Variants in TIE1 observed in about 807,000 individuals in gnomAD.
The protein encoded by TIE1 is tyrosine kinase with immunoglobulin like and EGF like domains 1.
TIE1 carries 89 observed loss-of-function variants against 130.5 expected under a neutral mutation model. That is an observed-to-expected ratio of 0.68 (90% CI 0.57 to 0.81). The LOEUF (loss-of-function observed/expected upper bound fraction) is 0.81. TIE1 is among the 40% of genes least tolerant of loss of function. The probability of loss-of-function intolerance (pLI) is 0.00; values close to 1 mark genes in which losing one functional copy is unlikely to be tolerated. For missense variants in TIE1, 1,392 were observed against 1,559.8 expected (o/e 0.89, Z 1.81); for synonymous variants, 568 against 629.4 (o/e 0.90, Z 1.46).
rs1467383666 is a variant in TIE1, at chr1:43,305,329, T to C, written c.470T>C (p.Ile157Thr). 14 of 1,546,206 alleles carry C rather than the reference T, an allele frequency of 9.1e-6. No individual in the cohort carries two copies. Among genetic ancestry groups the C allele is most frequent in the African/African-American group, 1.6e-5 (1 of 61,692 alleles). The change falls in exon 3 of 23, where the codon ATC becomes ACC. Residue 157 changes from isoleucine to threonine, a missense_variant. Physicochemically the swap from Ile to Thr is moderately conservative, Grantham distance 89 (BLOSUM62 -1). Transcript: ENST00000372476. ...CACAAGGAGAAGCAGACAGACGTGA[T>C]CTGGAAGAGCAACGGTAAAGAGGGG... is the stretch of plus-strand genomic sequence containing the variant. ...RVHKEKQTDVIWKSNGSYFYT... is the reference protein window; with the variant it reads ...RVHKEKQTDVTWKSNGSYFYT...
chr1:43,307,239 C>G lies in TIE1; in HGVS notation c.738C>G (p.Cys246Trp). The part of the protein sequence containing the change: ...VCHDHDGECV[C>W]PPGFTGTRCE... ...ACGACCATGACGGCGAATGTGTATGCCCCCCTGGCTTCACTGGCACCCGCT... is the reference window on the plus strand; with the variant it reads ...ACGACCATGACGGCGAATGTGTATGGCCCCCTGGCTTCACTGGCACCCGCT... Residue 246 changes from cysteine to tryptophan, a missense_variant, in exon 5 of 23, where the codon TGC becomes TGG. Cys to Trp is a radical substitution (Grantham distance 215). Coordinates refer to ENST00000372476, the MANE Select transcript of TIE1 (RefSeq NM_005424.5). The surrounding 1 kb of genome is among the most constrained non-coding windows in gnomAD (Gnocchi z 5.4). 1 of 1,614,056 alleles carries G rather than the reference C, an allele frequency of 6.2e-7. No homozygotes were observed. Among genetic ancestry groups the G allele is most frequent in the Non-Finnish European group, 8.5e-7 (1 of 1,180,000 alleles).
In TIE1 at chr1:43,313,190, G is replaced by C; in HGVS notation, c.1983G>C (p.Gln661His). The part of the protein sequence containing the change: ...HAQALSDSEI[Q>H]LTWKHPEALP... ...AGGCCCTCTCAGACTCCGAGATCCAGCTGACATGGAAGCACCCGGAGGCTC... is the reference window on the plus strand; with the variant it reads ...AGGCCCTCTCAGACTCCGAGATCCACCTGACATGGAAGCACCCGGAGGCTC... Residue 661 changes from glutamine (Q) to histidine (H), a missense_variant, in exon 13 of 23, where the codon CAG becomes CAC. Around this residue, in one of 6 missense-constraint regions of TIE1, gnomAD observed 551 missense variants for 565.5 expected, o/e 0.97. Coordinates refer to ENST00000372476, the MANE Select transcript of TIE1 (RefSeq NM_005424.5). This position sits in a 1 kb window ranked among gnomAD's most constrained non-coding sequence, Gnocchi z 6.2. 3 of 1,613,696 alleles carry C rather than the reference G, an allele frequency of 1.9e-6. No individual in the cohort carries two copies. The highest frequency in any genetic ancestry group is 2.5e-6 in the Non-Finnish European group (3 of 1,179,856).
In TIE1 at chr1:43,306,253, A is replaced by T. The variant is rs763040056; in HGVS notation, c.485-587A>T. ...TCCAGGAGGAGGGACTGAGAAGAGC[A>T]GTAGGGTCTGAAACACAAGGGTGTT... On this transcript the variant is annotated intron_variant, in intron 3 of 22. Transcript: ENST00000372476. The surrounding 1 kb of genome is among the most constrained non-coding windows in gnomAD (Gnocchi z 4.9). 6.6e-6 allele frequency among the ~76,000 whole-genome samples: 1 copy of T among 152,220 alleles called. No individual in the cohort carries two copies. Among genetic ancestry groups the T allele is most frequent in the Non-Finnish European group, 1.5e-5 (1 of 68,022 alleles).
Position 43,313,615 on chromosome 1 carries a change from T to C in TIE1, c.2219-163T>C, listed in dbSNP as rs1291905177. The C allele has an allele frequency of 6.6e-6, 7 of 1,055,856 alleles. No homozygotes were observed. The East Asian group carries it at 1.8e-4, about 27-fold the overall frequency. The allele number at this position is 1,055,856 out of a possible 1,614,324, so 65.4% of individuals were successfully genotyped here. A position where few individuals can be genotyped will look rare whatever the true frequency, so the allele number is the denominator to read the frequency against. On this transcript the variant is annotated intron_variant, in intron 13 of 22. Coordinates refer to ENST00000372476, the MANE Select transcript of TIE1 (RefSeq NM_005424.5). This position sits in a 1 kb window ranked among gnomAD's most constrained non-coding sequence, Gnocchi z 6.2. ...CTGTCCCAGGGCTGGGAAAATCATG[T>C]CGCCCCTCTGACACCCCTCATCCCT...
Position 43,311,828 on chromosome 1 carries a change from G to A in TIE1, c.1491G>A (p.Val497=), listed in dbSNP as rs756232722. 3 of 1,612,632 alleles carry A rather than the reference G, an allele frequency of 1.9e-6. No homozygotes were observed. The highest frequency in any genetic ancestry group is 2.2e-5 in the South Asian group (2 of 90,914). The change falls in exon 10 of 23, where the codon GTG becomes GTA. Residue 497 remains valine (V), a splice_region_variant and synonymous_variant. Transcript: ENST00000372476. ...GTACCATGGACTGGTCGACCATTGT[G>A]GGTGAGTAGGGAGAGAGCTGGGGCA... The part of the protein sequence containing the change: ...QDSTMDWSTI[V]VDPSENVTLM...
At position 43,313,954 on chromosome 1, in the gene TIE1, T is replaced by C; in HGVS notation, c.2395T>C (p.Tyr799His). ...SCLHRRRTFTYQSGSGEETIL... is the reference protein window; with the variant it reads ...SCLHRRRTFTHQSGSGEETIL... ...CCTGCATCGGAGACGCACCTTCACC[T>C]ACCAGTCAGGCTCGGTCAGTGACCC... The change falls in exon 14 of 23, where the codon TAC becomes CAC. Residue 799 changes from tyrosine to histidine, a missense_variant. Around this residue, in one of 6 missense-constraint regions of TIE1, gnomAD observed 286 missense variants for 354.4 expected, o/e 0.81. Transcript: ENST00000372476. The surrounding 1 kb of genome is among the most constrained non-coding windows in gnomAD (Gnocchi z 6.2). 2 of 1,614,140 alleles carry C rather than the reference T, an allele frequency of 1.2e-6. No individual in the cohort carries two copies. The highest frequency in any genetic ancestry group is 1.7e-6 in the Non-Finnish European group (2 of 1,179,994).
chr1:43,309,015 T>G lies in TIE1; in HGVS notation c.1072T>G (p.Ser358Ala), dbSNP rs1414806890. The G allele has an allele frequency of 3.1e-6, 5 of 1,613,876 alleles. No homozygotes were observed. The highest frequency in any genetic ancestry group is 4.2e-6 in the Non-Finnish European group (5 of 1,179,970). The change falls in exon 8 of 23, where the codon TCA becomes GCA. Residue 358 changes from serine (S) to alanine (A), a missense_variant. Transcript: ENST00000372476. This position sits in a 1 kb window ranked among gnomAD's most constrained non-coding sequence, Gnocchi z 6.3. ...DRIPQILNMASELEFNLETMP... is the reference protein window; with the variant it reads ...DRIPQILNMAAELEFNLETMP... ...GATCCCCCAGATCCTCAACATGGCC[T>G]CAGAACTGGAGTTCAACTTAGAGAC... is the stretch of plus-strand genomic sequence containing the variant.
Position 43,316,317 on chromosome 1 carries a change from A to G in TIE1, c.2410-882A>G, listed in dbSNP as rs1646858312. ...TCACGTGCATTTGCTATGTGCCGTC[A>G]GCACCAGTGCTTCTTGCAAATCCCT... On this transcript the variant is annotated intron_variant, in intron 14 of 22. Transcript: ENST00000372476. This position sits in a 1 kb window ranked among gnomAD's most constrained non-coding sequence, Gnocchi z 4.4. Among the ~76,000 whole-genome samples, 1 of 152,232 alleles carries G rather than the reference A, an allele frequency of 6.6e-6. No individual in the cohort carries two copies. Among genetic ancestry groups the G allele is most frequent in the Non-Finnish European group, 1.5e-5 (1 of 68,036 alleles).
Position 43,319,125 on chromosome 1 carries a change from A to G in TIE1, c.2923-110A>G, listed in dbSNP as rs12733261. 2.6e-6 allele frequency: 2 copies of G among 760,198 alleles called. No homozygotes were observed. The highest frequency in any genetic ancestry group is 1.7e-5 in the African/African-American group (1 of 58,046). The allele number at this position is 760,198 out of a possible 1,614,324, so 47.1% of individuals were successfully genotyped here. ...AGATTGCAGCCAGGAGGGTAGGAGT[A>G]TGGGGTATTGAAGGTAACAAGGGTA... On this transcript the variant is annotated intron_variant, in intron 17 of 22. Transcript: ENST00000372476. The surrounding 1 kb of genome is among the most constrained non-coding windows in gnomAD (Gnocchi z 4.7).
rs372332256 is a variant in TIE1 at position 43,317,150 on chromosome 1, C to G, written c.2410-49C>G. ...TGCCTGTCTGTGCCTCCTTCCGCCC[C>G]CTTTGACTCTTGCGTGGACCGTCTG... On this transcript the variant is annotated intron_variant, in intron 14 of 22. Coordinates refer to ENST00000372476, the MANE Select transcript of TIE1 (RefSeq NM_005424.5). The surrounding 1 kb of genome is among the most constrained non-coding windows in gnomAD (Gnocchi z 5.1). 6.3e-7 allele frequency: 1 copy of G among 1,596,608 alleles called. No homozygotes were observed. The highest frequency in any genetic ancestry group is 2.2e-5 in the East Asian group (1 of 44,764).
chr1:43,305,472 G>A (rs1293089840), intron 3 of TIE1, 129 bp downstream of exon 3: 4 of 804,664 alleles, frequency 5.0e-6, no homozygotes. Context: ...CTCCTCTGTA[G>A]TGGACCAGGT....
At position 43,307,979 on chromosome 1, in the gene TIE1, C is replaced by T; in HGVS notation, c.1042+55C>T. The T allele has an allele frequency of 6.2e-7, 1 of 1,601,772 alleles. No homozygotes were observed. Among genetic ancestry groups the T allele is most frequent in the Non-Finnish European group, 8.5e-7 (1 of 1,171,238 alleles). On this transcript the variant is annotated intron_variant, in intron 7 of 22. Transcript: ENST00000372476. The surrounding 1 kb of genome is among the most constrained non-coding windows in gnomAD (Gnocchi z 5.4). The stretch of plus-strand genomic sequence containing the variant: ...CCAAGATAAGTCGGCCTTTACCAAA[C>T]ACATCTCCCCGGTGGAAGAGAGTAG...
At position 43,304,992 on chromosome 1, in the gene TIE1, A is replaced by ACCGTATC; in HGVS notation, c.201_207dup (p.Val70ProfsTer73). ...CCGCCCCTGCTGCTGGAGAAGGACG[A>ACCGTATC]CCGTATCGTGCGCACCCCGCCCGGG... On this transcript the variant is annotated frameshift_variant, in exon 2 of 23. Transcript: ENST00000372476. LOFTEE classifies it high-confidence loss of function. 1 of 1,514,996 alleles carries ACCGTATC rather than the reference A, an allele frequency of 6.6e-7. No individual in the cohort carries two copies. The highest frequency in any genetic ancestry group is 8.8e-7 in the Non-Finnish European group (1 of 1,130,910). The allele number at this position is 1,514,996 out of a possible 1,614,324, so 93.8% of individuals were successfully genotyped here.
chr1:43,307,805 C>G lies in TIE1; in HGVS notation c.923C>G (p.Pro308Arg). The part of the protein sequence containing the change: ...RGSQCQEACA[P>R]GHFGADCRLQ... ...CCTCCTCTATTCCCAGCTTGTGCCC[C>G]TGGTCATTTTGGGGCTGATTGCCGA... Residue 308 changes from proline (P) to arginine (R), a missense_variant, in exon 7 of 23, where the codon CCT becomes CGT. Pro to Arg is a moderately radical substitution (Grantham distance 103, BLOSUM62 -2). Coordinates refer to ENST00000372476, the MANE Select transcript of TIE1 (RefSeq NM_005424.5). This position sits in a 1 kb window ranked among gnomAD's most constrained non-coding sequence, Gnocchi z 5.4. 1.2e-6 allele frequency: 2 copies of G among 1,614,212 alleles called. No individual in the cohort carries two copies. Among genetic ancestry groups the G allele is most frequent in the Non-Finnish European group, 1.7e-6 (2 of 1,180,022 alleles).
intron 14 of TIE1, chr1:43,314,394 C>T (rs1570445708): frequency 1.8e-6 from 2 of 1,122,612 alleles, no homozygotes; most frequent in Non-Finnish European, 2.2e-6. Flanking sequence ...CCTTCCTGGG[C>T]TCGGGAGCCA....
intron 1 of TIE1, among the ~76,000 whole-genome samples, chr1:43,301,794 G>C (rs1208083600): frequency 6.6e-6 from 1 of 152,224 alleles, no homozygotes; most frequent in African/African-American, 2.4e-5. Context: ...GCTTGAATCT[G>C]GGAGGCAGAG....
intron 9 of TIE1, among the ~76,000 whole-genome samples, chr1:43,311,444 A>G (rs1557446457): frequency 6.6e-6 from 1 of 151,898 alleles, no homozygotes; most frequent in African/African-American, 2.4e-5. Context: ...TGGCCATGTC[A>G]CTTCCTCATC....
chr1:43,305,441 C>CA (rs1646719595), intron 3 of TIE1, 98 bp downstream of exon 3: 1 of 1,126,742 alleles, frequency 8.9e-7, no homozygotes, highest in African/African-American at 1.6e-5. Flanking sequence ...TGGCCCCTGA[C>CA]ACACCCGACC....
Position 43,306,958 on chromosome 1 carries a change from C to A in TIE1, c.603C>A (p.Ser201Arg), listed in dbSNP as rs755246263. The change falls in exon 4 of 23, where the codon AGC becomes AGA. Residue 201 changes from serine to arginine, a missense_variant. By Grantham distance (110) the Ser-to-Arg change is moderately radical. Transcript: ENST00000372476. This position sits in a 1 kb window ranked among gnomAD's most constrained non-coding sequence, Gnocchi z 4.9. ...ACAGTGCCACTTACCTGGAAGCCAG[C>A]CCCCTGGGCAGCGCCTTCTTTCGGC... is the stretch of plus-strand genomic sequence containing the variant. Reference protein sequence around the residue: ...GIYSATYLEASPLGSAFFRLI... With the variant: ...GIYSATYLEARPLGSAFFRLI... 1 of 1,613,924 alleles carries A rather than the reference C, an allele frequency of 6.2e-7. No homozygotes were observed. Among genetic ancestry groups the A allele is most frequent in the East Asian group, 2.2e-5 (1 of 44,876 alleles).
Sources: gnomAD v4.1 joint callset for allele counts (sites outside exome capture counted in the v4.1 genomes callset) on GRCh38, gnomAD v4.1.1 for gene constraint, gnomAD v4.1.1 regional missense constraint, Gnocchi (gnomAD v3.1) non-coding constraint, MANE v1.5 for transcripts, NCBI Gene and HGNC (gene_info 2026-07-23, HGNC 2026-07-21) for gene names.